ACTN1: variants seen among roughly 807,000 people sequenced by gnomAD.
ACTN1 encodes the protein actinin alpha 1, also known as alpha-actinin-1.
Under a neutral mutation model 119.6 loss-of-function variants are expected in ACTN1, and 30 were observed. The observed-to-expected ratio is 0.25, with a 90% CI of 0.19 to 0.34. The LOEUF is 0.34. Ranked by LOEUF, ACTN1 falls within the 10% of genes least tolerant of loss-of-function variation. The pLI, the probability that ACTN1 is intolerant of heterozygous loss-of-function variation, is 1.00. For synonymous variants in ACTN1, 429 were observed against 472.6 expected (o/e 0.91, Z 1.20); for missense variants, 764 against 1,223.4 (o/e 0.62, Z 5.60).
chr14:68,908,668 G>T (rs1029803728), intron 6 of ACTN1, among the ~76,000 whole-genome samples: 1 of 152,036 alleles, frequency 6.6e-6, no homozygotes, highest in Admixed American at 6.5e-5. Context: ...GTGGTCAGAG[G>T]GTCCAGGACA....
intron 8 of ACTN1, among the ~76,000 whole-genome samples, chr14:68,898,098 C>A (rs1341800734): frequency 1.3e-5 from 2 of 152,260 alleles, no homozygotes; most frequent in Admixed American, 6.5e-5. Context: ...GAGCAGGGCA[C>A]TGGTCAGACC....
At chr14:68,912,101 G>A (rs1196940198) in intron 4 of ACTN1, 55 bp downstream of exon 4, 2 of 1,554,828 alleles carry the variant, frequency 1.3e-6, no homozygotes, top group East Asian at 2.2e-5. Flanking sequence ...TCCAGGCTAA[G>A]CCCAGGGAGG....
chr14:68,882,974 T>C lies in ACTN1; in HGVS notation c.1717A>G (p.Asn573Asp). The change falls in exon 15 of 22, where the codon AAT (asparagine) becomes GAT (aspartate). Residue 573 changes from asparagine to aspartate, a missense_variant. Asn to Asp is a conservative substitution (Grantham distance 23, BLOSUM62 1). Around this residue, in one of 4 missense-constraint regions of ACTN1, gnomAD observed 544 missense variants for 912.0 expected, o/e 0.60. Coordinates refer to ENST00000394419, the MANE Select transcript of ACTN1 (RefSeq NM_001130004.2). The surrounding 1 kb of genome is among the most constrained non-coding windows in gnomAD (Gnocchi z 4.5). ...KERLAILGIH[N>D]EVSKIVQTYH... ...GTCTGGACAATCTTGGACACCTCAT[T>C]GTGGATGCCCAGGATGGCCAGGCGC... The C allele has an allele frequency of 6.2e-7, 1 of 1,614,184 alleles. No individual in the cohort carries two copies. The highest frequency in any genetic ancestry group is 8.5e-7 in the Non-Finnish European group (1 of 1,180,028).
Position 68,909,527 on chromosome 14 carries a change from G to A in ACTN1, c.516-131C>T, listed in dbSNP as rs776975482. The A allele has an allele frequency of 4.3e-4, 338 of 788,074 alleles. 1 individual carries two copies. The highest frequency in any genetic ancestry group is 5.0e-4 in the Non-Finnish European group (237 of 475,668). The allele number at this position is 788,074 out of a possible 1,614,324, so 48.8% of individuals were successfully genotyped here. The stretch of plus-strand genomic sequence containing the variant: ...GAGCTTTCTGGGGTAGGAGTTAGAA[G>A]ACAGGATGGGAAGGGACATTTCTTC... On this transcript the variant is annotated intron_variant, in intron 5 of 21. Coordinates refer to ENST00000394419, the MANE Select transcript of ACTN1 (RefSeq NM_001130004.2). This position sits in a 1 kb window ranked among gnomAD's most constrained non-coding sequence, Gnocchi z 4.1.
At chr14:68,936,490 CTGTCATTACCT>C in intron 1 of ACTN1, 1 of 325,080 alleles carries the variant, frequency 3.1e-6, no homozygotes, top group Non-Finnish European at 5.7e-6. Flanking sequence ...CCAAAATGTG[CTGTCATTACCT>C]TTTTTTTTTT....
chr14:68,962,842 T>C (rs1194616296), intron 1 of ACTN1, among the ~76,000 whole-genome samples: 1 of 152,026 alleles, frequency 6.6e-6, no homozygotes, highest in East Asian at 1.9e-4. Flanking sequence ...TGGGATTATA[T>C]TGGTCTATAA....
chr14:68,899,157 CCA>C lies in ACTN1; in HGVS notation c.762+3318_762+3319del, dbSNP rs1226052377. Among the ~76,000 whole-genome samples, 28 of 146,966 alleles carry C rather than the reference CCA, an allele frequency of 1.9e-4. No homozygotes were observed. The East Asian group carries it at 4.6e-3, about 24-fold the overall frequency. The stretch of plus-strand genomic sequence containing the variant: ...CCCACACCTCACCCTACACCTCACA[CCA>C]CACACACACCTCACACCCTACACCT... On this transcript the variant is annotated intron_variant, in intron 8 of 21. Coordinates refer to ENST00000394419, the MANE Select transcript of ACTN1 (RefSeq NM_001130004.2).
chr14:68,893,180 G>C (rs1376756949), intron 9 of ACTN1, among the ~76,000 whole-genome samples: 1 of 152,128 alleles, frequency 6.6e-6, no homozygotes, highest in Admixed American at 6.5e-5. Context: ...GGCAGAACAG[G>C]AAACCCAGCA....
chr14:68,881,970 C>CTGT (rs1382155400), intron 16 of ACTN1, among the ~76,000 whole-genome samples: 5 of 95,824 alleles, frequency 5.2e-5, no homozygotes, highest in Non-Finnish European at 2.0e-5. Flanking sequence ...GAGTCTTGCT[C>CTGT]TGTTGCCCAA....
chr14:68,942,460 T>A (rs12588423), intron 1 of ACTN1, among the ~76,000 whole-genome samples: 19,489 of 152,168 alleles, frequency 0.13, 1,457 homozygotes, highest in Middle Eastern at 0.24. Flanking sequence ...AGGAGAGGTT[T>A]TCTGCAGAGC....
chr14:68,949,817 CTT>C (rs2036069523), intron 1 of ACTN1, among the ~76,000 whole-genome samples: 1 of 152,198 alleles, frequency 6.6e-6, no homozygotes, highest in African/African-American at 2.4e-5. Context: ...ATGGACCAAC[CTT>C]CAAGACATTC....
chr14:68,968,126 G>C (rs898402274), intron 1 of ACTN1, among the ~76,000 whole-genome samples: 2 of 152,218 alleles, frequency 1.3e-5, no homozygotes, highest in Non-Finnish European at 2.9e-5. Context: ...GGGACCCATA[G>C]GTACGGACAC....
At chr14:68,950,167 G>A (rs975083111) in intron 1 of ACTN1, among the ~76,000 whole-genome samples, 1 of 151,942 alleles carries the variant, frequency 6.6e-6, no homozygotes, top group African/African-American at 2.4e-5. Context: ...AGTGGCAGGT[G>A]CCTGTAATCC....
At chr14:68,949,612 C>CA (rs2036062831) in intron 1 of ACTN1, among the ~76,000 whole-genome samples, 1 of 152,140 alleles carries the variant, frequency 6.6e-6, no homozygotes, top group African/African-American at 2.4e-5. Flanking sequence ...AGCATATACA[C>CA]AAAAAAATTA....
At chr14:68,977,587 A>T (rs896701787) in intron 1 of ACTN1, 1 of 245,768 alleles carries the variant, frequency 4.1e-6, no homozygotes, top group Non-Finnish European at 8.1e-6. Flanking sequence ...TGCCTGTCTG[A>T]TGAAGTGAGT....
intron 1 of ACTN1, among the ~76,000 whole-genome samples, chr14:68,945,731 C>T (rs1391952310): frequency 1.3e-5 from 2 of 152,192 alleles, no homozygotes; most frequent in African/African-American, 4.8e-5. Flanking sequence ...GAAGGAGGAA[C>T]AGGCAGAGAG....
intron 8 of ACTN1, among the ~76,000 whole-genome samples, chr14:68,899,730 G>T (rs1390269834): frequency 6.6e-6 from 1 of 152,234 alleles, no homozygotes; most frequent in Non-Finnish European, 1.5e-5. Context: ...GGGAAGGCCA[G>T]CACCAATGGG....
Position 68,884,161 on chromosome 14 carries a change from G to T in ACTN1, c.1635+7C>A, listed in dbSNP as rs1241461312. On this transcript the variant is annotated splice_region_variant and intron_variant, in intron 14 of 21. Coordinates refer to ENST00000394419, the MANE Select transcript of ACTN1 (RefSeq NM_001130004.2). ...GCCAGCCTCCGGGGAGTGGAGGTGG[G>T]GCTCACCTGGATCTCCTCAATGGTG... 2 of 1,608,928 alleles carry T rather than the reference G, an allele frequency of 1.2e-6. No individual in the cohort carries two copies. Among genetic ancestry groups the T allele is most frequent in the Non-Finnish European group, 1.7e-6 (2 of 1,176,622 alleles).
At chr14:68,955,508 G>A (rs190335171) in intron 1 of ACTN1, among the ~76,000 whole-genome samples, 5 of 152,304 alleles carry the variant, frequency 3.3e-5, no homozygotes, top group East Asian at 1.9e-4. Flanking sequence ...AGGTCACTCC[G>A]GTGGGCCAAC....
Sources: gnomAD v4.1 joint callset for allele counts (sites outside exome capture counted in the v4.1 genomes callset) on GRCh38, gnomAD v4.1.1 for gene constraint, gnomAD v4.1.1 regional missense constraint, Gnocchi (gnomAD v3.1) non-coding constraint, MANE v1.5 for transcripts, NCBI Gene and HGNC (gene_info 2026-07-23, HGNC 2026-07-21) for gene names.